RIMS1: variants seen among roughly 807,000 people sequenced by gnomAD.
RIMS1 encodes the protein regulating synaptic membrane exocytosis protein 1.
A neutral mutation model predicts 214.1 loss-of-function variants in RIMS1; 83 were observed. The ratio of observed to expected loss-of-function variants is 0.39; its 90% CI spans 0.32 to 0.47. The LOEUF is 0.47. Among genes scored for constraint, RIMS1 ranks in the 20% least tolerant of loss-of-function variants. The pLI, the probability that RIMS1 is intolerant of heterozygous loss-of-function variation, is 0.99. For missense variants in RIMS1, 2,050 were observed against 2,161.8 expected (o/e 0.95, Z 1.03); for synonymous variants, 793 against 786.8 (o/e 1.01, Z -0.13).
intron 1 of RIMS1, among the ~76,000 whole-genome samples, chr6:71,906,787 A>G (rs1167358290): frequency 6.6e-6 from 1 of 152,202 alleles, no homozygotes; most frequent in Non-Finnish European, 1.5e-5. Flanking sequence ...TGGGAGGAGC[A>G]AATAGGATAA....
intron 1 of RIMS1, among the ~76,000 whole-genome samples, chr6:71,944,496 T>C (rs1185292808): frequency 6.6e-6 from 1 of 152,018 alleles, no homozygotes; most frequent in Non-Finnish European, 1.5e-5. Flanking sequence ...GAAGGCTATG[T>C]TGAGGAAGAT....
chr6:72,094,565 G>T (rs1289355900), intron 2 of RIMS1, among the ~76,000 whole-genome samples: 3 of 152,272 alleles, frequency 2.0e-5, no homozygotes, highest in Admixed American at 6.5e-5. Flanking sequence ...GCAAAATCTG[G>T]ACTACTATCT....
chr6:72,090,226 C>T (rs1314705649), intron 2 of RIMS1, among the ~76,000 whole-genome samples: 1 of 152,082 alleles, frequency 6.6e-6, no homozygotes, highest in African/African-American at 2.4e-5. Flanking sequence ...AGGCATTTCT[C>T]AAATTCCTAG....
chr6:71,970,018 A>G (rs183550729), intron 2 of RIMS1, among the ~76,000 whole-genome samples: 1 of 152,160 alleles, frequency 6.6e-6, no homozygotes. Context: ...TATTTTGTAT[A>G]TTACATACAG....
At chr6:72,332,120 T>C (rs935408486) in intron 28 of RIMS1, among the ~76,000 whole-genome samples, 1 of 151,876 alleles carries the variant, frequency 6.6e-6, no homozygotes, top group African/African-American at 2.4e-5. Flanking sequence ...TAATTTATAA[T>C]CATATTAGGA....
intron 2 of RIMS1, among the ~76,000 whole-genome samples, chr6:72,093,288 A>G (rs962895456): frequency 2.7e-5 from 4 of 150,776 alleles, no homozygotes; most frequent in African/African-American, 9.7e-5. Flanking sequence ...ACACACAAAG[A>G]GAACTCAATA....
At chr6:72,060,882 T>G (rs1028939056) in intron 2 of RIMS1, among the ~76,000 whole-genome samples, 1 of 152,228 alleles carries the variant, frequency 6.6e-6, no homozygotes, top group Admixed American at 6.5e-5. Flanking sequence ...CCACATGTAC[T>G]TAACACGTTT....
At chr6:72,268,914 T>TG (rs1201395042) in intron 22 of RIMS1, among the ~76,000 whole-genome samples, 1 of 152,166 alleles carries the variant, frequency 6.6e-6, no homozygotes, top group African/African-American at 2.4e-5. Context: ...CCCATTTCCC[T>TG]TGCTTCCCTG....
intron 4 of RIMS1, among the ~76,000 whole-genome samples, chr6:72,174,103 G>A (rs1168451265): frequency 2.0e-5 from 3 of 152,114 alleles, no homozygotes; most frequent in Non-Finnish European, 4.4e-5. Flanking sequence ...AATCAACTCC[G>A]TTCTTGGTTA....
At position 72,324,537 on chromosome 6, in the gene RIMS1, CAG is replaced by C. The variant is rs368175907; in HGVS notation, c.4131-9061_4131-9060del. On this transcript the variant is annotated intron_variant, in intron 28 of 33. Transcript: ENST00000521978. The stretch of plus-strand genomic sequence containing the variant: ...AACAGATGGGATGACTACAAATAAA[CAG>C]AAAGTGGTGGATGGAACTACATCTG... Among the ~76,000 whole-genome samples, 61 of 151,828 alleles carry C rather than the reference CAG, an allele frequency of 4.0e-4. 1 individual carries two copies. In the East Asian group the frequency reaches 0.011, roughly 28 times the overall value.
intron 1 of RIMS1, among the ~76,000 whole-genome samples, chr6:71,897,517 A>C (rs977213420): frequency 2.0e-5 from 3 of 152,168 alleles, no homozygotes; most frequent in Admixed American, 6.6e-5. Context: ...AACCCAACTC[A>C]TACTTTTCTC....
chr6:72,301,151 A>T (rs1213358080), intron 26 of RIMS1, among the ~76,000 whole-genome samples: 2 of 151,606 alleles, frequency 1.3e-5, no homozygotes, highest in Non-Finnish European at 3.0e-5. Context: ...TGTTTATATT[A>T]CTGTAGCATA....
intron 19 of RIMS1, chr6:72,263,117 A>C (rs2078807580): frequency 3.0e-6 from 3 of 984,056 alleles, no homozygotes; most frequent in Non-Finnish European, 3.6e-6. Context: ...ATGTTTCACC[A>C]ATAAGAGTTT....
At chr6:72,392,497 T>C (rs552443612) in intron 30 of RIMS1, among the ~76,000 whole-genome samples, 4 of 152,160 alleles carry the variant, frequency 2.6e-5, no homozygotes, top group Non-Finnish European at 5.9e-5. Flanking sequence ...AGGTGTTAAA[T>C]TGAGAGTTTA....
At chr6:72,276,634 G>A (rs1027267960) in intron 23 of RIMS1, among the ~76,000 whole-genome samples, 3 of 151,412 alleles carry the variant, frequency 2.0e-5, no homozygotes, top group Non-Finnish European at 2.9e-5. Context: ...TCCTATGTTC[G>A]ACCAAAATAA....
intron 10 of RIMS1, 23 bp from the exon 11 acceptor site, chr6:72,245,792 T>C (rs756110867): frequency 2.5e-6 from 4 of 1,598,970 alleles, no homozygotes; most frequent in Non-Finnish European, 3.4e-6. Context: ...AATGGGATTT[T>C]CACCATATCC....
chr6:72,381,295 C>G (rs1320682726), intron 29 of RIMS1, among the ~76,000 whole-genome samples: 1 of 151,764 alleles, frequency 6.6e-6, no homozygotes, highest in Non-Finnish European at 1.5e-5. Flanking sequence ...TGATCTCGTT[C>G]TAACTTAATC....
intron 22 of RIMS1, among the ~76,000 whole-genome samples, chr6:72,267,392 AC>A (rs2081084230): frequency 6.6e-6 from 1 of 152,150 alleles, no homozygotes; most frequent in Non-Finnish European, 1.5e-5. Context: ...TTTTAATATT[AC>A]CCATATCAGT....
At chr6:71,951,648 C>T (rs1561953917) in intron 1 of RIMS1, among the ~76,000 whole-genome samples, 1 of 124,690 alleles carries the variant, frequency 8.0e-6, no homozygotes, top group Non-Finnish European at 1.7e-5. Flanking sequence ...TTGTGCACCA[C>T]CACGCTTAGC....
Sources: allele counts gnomAD v4.1 joint callset (sites outside exome capture counted in the v4.1 genomes callset), GRCh38; gene constraint gnomAD v4.1.1; transcripts MANE v1.5; gene names NCBI Gene and HGNC (gene_info 2026-07-23, HGNC 2026-07-21).